The following L3MBTL3 variants were observed in gnomAD, a reference collection of about 807,000 sequenced individuals.
L3MBTL3 encodes the protein lethal(3)malignant brain tumor-like protein 3.
L3MBTL3 carries 27 observed loss-of-function variants against 102.3 expected under a neutral mutation model. That is an observed-to-expected ratio of 0.26 (90% CI 0.19 to 0.36). The LOEUF is 0.36. L3MBTL3 is among the 10% of genes least tolerant of loss of function. The pLI is 1.00. For synonymous variants in L3MBTL3, 340 were observed against 320.9 expected (o/e 1.06, Z -0.64); for missense variants, 798 against 955.3 (o/e 0.84, Z 2.17).
intron 2 of L3MBTL3, among the ~76,000 whole-genome samples, chr6:130,030,341 A>T (rs1032762899): frequency 7.9e-5 from 12 of 152,138 alleles, no homozygotes; most frequent in African/African-American, 2.9e-4. Flanking sequence ...CCTGGCTAAG[A>T]TTATACAGCT....
intron 7 of L3MBTL3, among the ~76,000 whole-genome samples, chr6:130,053,822 T>A (rs1781267886): frequency 6.6e-6 from 1 of 152,098 alleles, no homozygotes; most frequent in South Asian, 2.1e-4. Flanking sequence ...TTGAGATCGG[T>A]ATTGTACAAC....
At chr6:130,032,238 T>A (rs1488042690) in intron 2 of L3MBTL3, among the ~76,000 whole-genome samples, 1 of 152,222 alleles carries the variant, frequency 6.6e-6, no homozygotes, top group East Asian at 1.9e-4. Flanking sequence ...GACAAAGGTT[T>A]GAGCACAGAT....
At chr6:130,022,041 G>A (rs1779052424) in intron 1 of L3MBTL3, among the ~76,000 whole-genome samples, 186 bp from the exon 2 acceptor site, 1 of 152,188 alleles carries the variant, frequency 6.6e-6, no homozygotes. Flanking sequence ...TGATACGAAT[G>A]ATTAAAATCC....
chr6:130,084,792 T>C (rs965729167), intron 15 of L3MBTL3, among the ~76,000 whole-genome samples: 3 of 152,218 alleles, frequency 2.0e-5, no homozygotes, highest in Non-Finnish European at 1.5e-5. Flanking sequence ...CATTGACTGC[T>C]CTGTGTTATT....
chr6:130,079,315 G>A (rs1247375552), intron 14 of L3MBTL3, among the ~76,000 whole-genome samples: 1 of 152,198 alleles, frequency 6.6e-6, no homozygotes, highest in African/African-American at 2.4e-5. Flanking sequence ...GTTCTCTGAA[G>A]TTTTCAGGCG....
At position 130,087,783 on chromosome 6, in the gene L3MBTL3, CTATT is replaced by C. The variant is rs1298626947; in HGVS notation, c.1518+1536_1518+1539del. Among the ~76,000 whole-genome samples the C allele has an allele frequency of 3.3e-5, 5 of 151,510 alleles. No homozygotes were observed. In the East Asian group the frequency reaches 9.7e-4, roughly 29 times the overall value. On this transcript the variant is annotated intron_variant, in intron 16 of 22. Transcript: ENST00000361794. Reference sequence around the variant, plus strand: ...TGTTAAAATTAAATATTTTAGAAGACTATTTAATACCAACAATTGAAAAATTCAG... The same window carrying C: ...TGTTAAAATTAAATATTTTAGAAGACTAATACCAACAATTGAAAAATTCAG...
chr6:130,053,518 C>A (rs914710969), intron 7 of L3MBTL3, among the ~76,000 whole-genome samples: 24 of 151,974 alleles, frequency 1.6e-4, no homozygotes, highest in Middle Eastern at 6.8e-3. Context: ...TCCTGTAGTC[C>A]CAGCTACTCG....
At chr6:130,057,370 G>A (rs1442195296) in intron 8 of L3MBTL3, 36 bp from the exon 9 acceptor site, 7 of 1,544,050 alleles carry the variant, frequency 4.5e-6, no homozygotes, top group Non-Finnish European at 6.2e-6. Flanking sequence ...GCTTAGATTT[G>A]GAAATTCTGT....
intron 14 of L3MBTL3, among the ~76,000 whole-genome samples, chr6:130,081,238 G>A (rs921294423): frequency 3.3e-5 from 5 of 152,108 alleles, no homozygotes; most frequent in African/African-American, 1.2e-4. Context: ...TATTTTAATG[G>A]TTTGTCCTTA....
intron 18 of L3MBTL3, among the ~76,000 whole-genome samples, chr6:130,102,757 C>G (rs1784773874): frequency 6.6e-6 from 1 of 152,228 alleles, no homozygotes; most frequent in South Asian, 2.1e-4. Flanking sequence ...CTGACCATTA[C>G]AGCTCTGCTC....
At chr6:130,137,673 C>T (rs915201721) in intron 22 of L3MBTL3, 1 of 151,954 alleles carries the variant, frequency 6.6e-6, no homozygotes, top group African/African-American at 2.4e-5. Context: ...CAGAAGGAGA[C>T]TTGCTGTCTG....
chr6:130,111,215 G>A (rs748474358), intron 19 of L3MBTL3, among the ~76,000 whole-genome samples: 18 of 152,138 alleles, frequency 1.2e-4, no homozygotes, highest in South Asian at 2.1e-4. Flanking sequence ...TAGTTGTCAC[G>A]CTGGTTACCA....
chr6:130,094,894 G>A (rs1784271000), intron 18 of L3MBTL3, among the ~76,000 whole-genome samples: 1 of 152,090 alleles, frequency 6.6e-6, no homozygotes, highest in Non-Finnish European at 1.5e-5. Context: ...TTATGCATTT[G>A]AAATGTGATG....
chr6:130,053,135 T>C, intron 7 of L3MBTL3, 144 bp downstream of exon 7: 1 of 603,334 alleles, frequency 1.7e-6, no homozygotes, highest in Non-Finnish European at 2.9e-6. Context: ...TTACATGGCC[T>C]CTGTGTGCCT....
chr6:130,114,018 G>A (rs899034363), intron 19 of L3MBTL3, among the ~76,000 whole-genome samples: 2 of 152,048 alleles, frequency 1.3e-5, no homozygotes, highest in Admixed American at 6.6e-5. Flanking sequence ...GTTGAATATC[G>A]GCGAAAGTAA....
chr6:130,097,187 T>C (rs544158641), intron 18 of L3MBTL3, among the ~76,000 whole-genome samples: 1 of 152,362 alleles, frequency 6.6e-6, no homozygotes, highest in South Asian at 2.1e-4. Context: ...CAGCCTGTTT[T>C]CCATTTCATT....
intron 12 of L3MBTL3, 87 bp from the exon 13 acceptor site, chr6:130,070,889 C>T: frequency 2.5e-6 from 2 of 815,860 alleles, no homozygotes; most frequent in South Asian, 2.5e-5. Flanking sequence ...GGATGCTGGG[C>T]CTTTGAGCAG....
At chr6:130,023,981 A>T (rs377757074) in intron 2 of L3MBTL3, among the ~76,000 whole-genome samples, 1 of 152,290 alleles carries the variant, frequency 6.6e-6, no homozygotes, top group East Asian at 1.9e-4. Context: ...TTTATCCCAA[A>T]CTAGTCATTT....
intron 2 of L3MBTL3, among the ~76,000 whole-genome samples, chr6:130,037,941 C>A (rs185789375): frequency 9.2e-4 from 140 of 152,144 alleles, no homozygotes; most frequent in African/African-American, 3.1e-3. Flanking sequence ...CCTCCCACCC[C>A]CTTCCTAGCC....
Sources: allele counts gnomAD v4.1 joint callset (sites outside exome capture counted in the v4.1 genomes callset), GRCh38; gene constraint gnomAD v4.1.1; transcripts MANE v1.5; gene names NCBI Gene and HGNC (gene_info 2026-07-23, HGNC 2026-07-21).